CCDC57: variants seen among roughly 807,000 people sequenced by gnomAD.
The protein encoded by CCDC57 is coiled-coil domain containing 57.
In CCDC57, 118 loss-of-function variants were observed where a neutral mutation model predicts 118.9. That is an observed-to-expected ratio of 0.99 (90% CI 0.86 to 1.16). CCDC57 has a LOEUF of 1.16. Among genes scored for constraint, CCDC57 ranks in the 50% most tolerant of loss-of-function variants. The pLI is 0.00. For missense variants in CCDC57, 1,300 were observed against 1,320.7 expected (o/e 0.98, Z 0.24); for synonymous variants, 527 against 532.9 (o/e 0.99, Z 0.15).
intron 17 of CCDC57, among the ~76,000 whole-genome samples, chr17:82,133,431 C>CAA (rs71166189): frequency 0.026 from 984 of 38,348 alleles, 94 homozygotes; most frequent in South Asian, 0.035. Flanking sequence ...GGCCCTGTCT[C>CAA]AAAAAAAAAA....
chr17:82,125,453 A>G (rs11871854), intron 19 of CCDC57, among the ~76,000 whole-genome samples: 82,406 of 151,050 alleles, frequency 0.55, 23,303 homozygotes, highest in African/African-American at 0.61. Flanking sequence ...TCAGCTCCCT[A>G]CAACCTCCAC....
chr17:82,162,352 G>T (rs2043450971), intron 14 of CCDC57, among the ~76,000 whole-genome samples: 2 of 152,316 alleles, frequency 1.3e-5, no homozygotes, highest in South Asian at 4.1e-4. Context: ...GGAATATGTA[G>T]CAGTCAAACC....
At chr17:82,113,439 A>G (rs773908460) in intron 19 of CCDC57, 1 of 717,534 alleles carries the variant, frequency 1.4e-6, no homozygotes, top group South Asian at 1.5e-5. Context: ...AGTGAGAAAC[A>G]AGAGAGCAGG....
At chr17:82,151,624 G>A (rs757148356) in exon 16 of CCDC57, 88 of 1,550,274 alleles carry the variant, frequency 5.7e-5, no homozygotes, top group Non-Finnish European at 7.1e-5. Context: ...CTTTCTCCAG[G>A]CGGAGGCTGA....
chr17:82,164,533 A>G (rs1426967092), intron 13 of CCDC57, among the ~76,000 whole-genome samples: 1 of 152,204 alleles, frequency 6.6e-6, no homozygotes, highest in Non-Finnish European at 1.5e-5. Flanking sequence ...GCTAAAATAA[A>G]CACCCAATAA....
rs111335087 is a variant in CCDC57, at chr17:82,146,885, A to ATG, written c.2455+4674_2455+4675insCA. ...AACGCTTGTGCAGTCTCGCAAACAAACGTGTGTGCACACACACAGTCTCAC... is the reference window on the plus strand; with the variant it reads ...AACGCTTGTGCAGTCTCGCAAACAAATGCGTGTGTGCACACACACAGTCTCAC... On this transcript the variant is annotated intron_variant, in intron 16 of 19. Coordinates refer to ENST00000665763, the Ensembl canonical transcript of CCDC57. Among the ~76,000 whole-genome samples, 14 of 152,158 alleles carry ATG rather than the reference A, an allele frequency of 9.2e-5. 1 individual carries two copies. The highest frequency in any genetic ancestry group is 6.2e-4 in the South Asian group (3 of 4,822).
intron 16 of CCDC57, among the ~76,000 whole-genome samples, chr17:82,145,016 TTTTTTTTTTC>T (rs1375373877): frequency 4.4e-5 from 5 of 114,822 alleles, no homozygotes; most frequent in South Asian, 3.3e-4. Context: ...TTTCTTTTCT[TTTTTTTTTTC>T]TTTTTTTTTT....
intron 19 of CCDC57, chr17:82,126,637 G>A: frequency 2.0e-6 from 2 of 985,392 alleles, no homozygotes; most frequent in Non-Finnish European, 2.4e-6. Flanking sequence ...CTCAGACACT[G>A]CTGCTGGGAG....
Position 82,194,053 on chromosome 17 carries a change from G to A in CCDC57, c.705C>T (p.Asn235=), listed in dbSNP as rs1026140321. ...TCTGGAGCTTCCTCTCCAGCTCGGC[G>A]TTGGTGGCCTCTGCCCTCTGCAGAC... is the stretch of plus-strand genomic sequence containing the variant. The change falls in exon 6 of 20, where the codon AAC becomes AAT. Residue 235 remains asparagine, a synonymous_variant. Transcript: ENST00000665763. 5.0e-6 allele frequency: 8 copies of A among 1,613,726 alleles called. No homozygotes were observed. The East Asian group carries it at 6.7e-5, about 13-fold the overall frequency.
chr17:82,139,254 A>G (rs565212946), intron 16 of CCDC57, among the ~76,000 whole-genome samples: 3 of 152,338 alleles, frequency 2.0e-5, no homozygotes, highest in African/African-American at 7.2e-5. Context: ...GTTCCTTCTC[A>G]GTTGCATTAT....
At chr17:82,196,944 C>A (rs942037086) in intron 4 of CCDC57, among the ~76,000 whole-genome samples, 17 of 144,890 alleles carry the variant, frequency 1.2e-4, no homozygotes, top group Middle Eastern at 8.1e-3. Flanking sequence ...CGCAGCCCCT[C>A]GTGACTCCTG....
At chr17:82,132,477 G>A (rs1291069622) in intron 17 of CCDC57, among the ~76,000 whole-genome samples, 4 of 152,072 alleles carry the variant, frequency 2.6e-5, no homozygotes, top group African/African-American at 4.8e-5. Flanking sequence ...CTGAGGTTAC[G>A]GAAAATTAGC....
chr17:82,168,259 C>T (rs1349435132), intron 13 of CCDC57, among the ~76,000 whole-genome samples: 3 of 152,172 alleles, frequency 2.0e-5, no homozygotes, highest in Admixed American at 2.0e-4. Context: ...AGTCACTGTC[C>T]CCTGTGGGCT....
At chr17:82,177,545 C>G (rs1055384951) in intron 11 of CCDC57, among the ~76,000 whole-genome samples, 1 of 152,100 alleles carries the variant, frequency 6.6e-6, no homozygotes, top group Non-Finnish European at 1.5e-5. Flanking sequence ...GAGACCGAGA[C>G]CGTGTCTCAA....
At position 82,192,173 on chromosome 17, in the gene CCDC57, C is replaced by T. The variant is rs1035782242; in HGVS notation, c.851+1583G>A. Among the ~76,000 whole-genome samples, 6 of 152,016 alleles carry T rather than the reference C, an allele frequency of 3.9e-5. No homozygotes were observed. In the South Asian group the frequency reaches 1.0e-3, roughly 26 times the overall value. ...GCTAATTTTGTATTTTTCGTAGAGA[C>T]GGGGTTTCACCATGTTGGTCAGGCT... On this transcript the variant is annotated intron_variant, in intron 7 of 19. Coordinates refer to ENST00000665763, the Ensembl canonical transcript of CCDC57. This position sits in a 1 kb window ranked among gnomAD's most constrained non-coding sequence, Gnocchi z 4.0.
intron 2 of CCDC57, among the ~76,000 whole-genome samples, chr17:82,204,831 T>C (rs540019940): frequency 6.6e-6 from 1 of 151,938 alleles, no homozygotes; most frequent in South Asian, 2.1e-4. Flanking sequence ...TGAGGACATC[T>C]GGACCCCAGG....
At chr17:82,175,425 T>C (rs2045340623) in intron 11 of CCDC57, 1 of 152,260 alleles carries the variant, frequency 6.6e-6, no homozygotes, top group Non-Finnish European at 1.5e-5. Flanking sequence ...GAAGTCAAGC[T>C]GGGAACTGCT....
At chr17:82,188,556 C>T (rs2047266089) in intron 7 of CCDC57, 137 bp from the exon 7 acceptor site, 1 of 849,864 alleles carries the variant, frequency 1.2e-6, no homozygotes, top group Middle Eastern at 3.0e-4. Context: ...GCAGCAGCCA[C>T]CTGGCCACCT....
chr17:82,125,065 CAG>C (rs1021489726), intron 19 of CCDC57, among the ~76,000 whole-genome samples: 2 of 152,170 alleles, frequency 1.3e-5, no homozygotes, highest in African/African-American at 4.8e-5. Flanking sequence ...GCGTGGAAGA[CAG>C]AGAGAAACGC....
Sources: allele counts gnomAD v4.1 joint callset (sites outside exome capture counted in the v4.1 genomes callset), GRCh38; gene constraint gnomAD v4.1.1; non-coding constraint Gnocchi (gnomAD v3.1); transcripts MANE v1.5; gene names NCBI Gene and HGNC (gene_info 2026-07-23, HGNC 2026-07-21).